METTL15: variants seen among roughly 807,000 people sequenced by gnomAD.
METTL15 encodes methyltransferase 15, mitochondrial 12S rRNA N4-cytidine, also known as 12S rRNA N(4)-cytidine methyltransferase METTL15.
A neutral mutation model predicts 38.3 loss-of-function variants in METTL15; 34 were observed. The ratio of observed to expected loss-of-function variants is 0.89; its 90% CI spans 0.68 to 1.18. The LOEUF is 1.18. Ranked by LOEUF, METTL15 falls within the 50% of genes most tolerant of loss-of-function variation. The pLI is 0.00. For missense variants in METTL15, 438 were observed against 498.4 expected, an observed-to-expected ratio of 0.88 and a Z score of 1.15; for synonymous variants, 162 against 170.9, an observed-to-expected ratio of 0.95 and a Z score of 0.41.
intron 6 of METTL15, among the ~76,000 whole-genome samples, chr11:28,316,484 T>G (rs1312013254): frequency 1.3e-5 from 2 of 152,236 alleles, no homozygotes; most frequent in African/African-American, 4.8e-5. Context: ...GGGACTTAAC[T>G]TGCCTTGTCT....
At chr11:28,315,941 C>T (rs1042230625) in intron 6 of METTL15, among the ~76,000 whole-genome samples, 3 of 152,246 alleles carry the variant, frequency 2.0e-5, no homozygotes, top group Non-Finnish European at 4.4e-5. Context: ...TGTATGGAAA[C>T]ACCTGCATGC....
chr11:28,327,982 A>C lies in METTL15; in HGVS notation c.779-2414A>C. ...GCAAAATATCAAAGATAATGCTAAG[A>C]AATTTTTAAAAAAATTATAGCAAAA... On this transcript the variant is annotated intron_variant, in intron 6 of 6. Transcript: ENST00000407364. The C allele has an allele frequency of 2.7e-6, 3 of 1,130,424 alleles. No individual in the cohort carries two copies. The South Asian group carries it at 4.9e-5, about 18-fold the overall frequency. The allele number at this position is 1,130,424 out of a possible 1,614,324, so 70.0% of individuals were successfully genotyped here.
chr11:28,280,667 C>CTTTTTTTTTT (rs61571700), intron 4 of METTL15, among the ~76,000 whole-genome samples: 1 of 135,324 alleles, frequency 7.4e-6, no homozygotes. Flanking sequence ...GTCTCTTATG[C>CTTTTTTTTTT]TTTTTTTTTT....
At chr11:28,438,049 C>A (rs1850998598) in intron 6 of METTL15, among the ~76,000 whole-genome samples, 1 of 152,030 alleles carries the variant, frequency 6.6e-6, no homozygotes, top group Non-Finnish European at 1.5e-5. Context: ...AATTAATGAA[C>A]AAAGTGGGGG....
intron 5 of METTL15, among the ~76,000 whole-genome samples, chr11:28,367,221 G>A (rs1386728275): frequency 6.8e-6 from 1 of 148,086 alleles, no homozygotes. Context: ...AAAAAGGAGA[G>A]CTAGGCAGCT....
intron 4 of METTL15, among the ~76,000 whole-genome samples, chr11:28,222,289 G>T (rs185383206): frequency 6.6e-6 from 1 of 152,156 alleles, no homozygotes; most frequent in Non-Finnish European, 1.5e-5. Flanking sequence ...CTCCCTTGCC[G>T]TTTGATCTCA....
chr11:28,325,737 G>A (rs1334930030), intron 6 of METTL15, among the ~76,000 whole-genome samples: 1 of 152,144 alleles, frequency 6.6e-6, no homozygotes, highest in Non-Finnish European at 1.5e-5. Flanking sequence ...TTTGTCAAAA[G>A]CACCACAGGT....
intron 4 of METTL15, among the ~76,000 whole-genome samples, chr11:28,282,291 C>T (rs1856085022): frequency 6.6e-6 from 1 of 152,148 alleles, no homozygotes; most frequent in South Asian, 2.1e-4. Flanking sequence ...AGGAGTTGTA[C>T]TGTCAATCAC....
chr11:28,482,240 G>A (rs1851401699), intron 6 of METTL15, among the ~76,000 whole-genome samples: 1 of 152,130 alleles, frequency 6.6e-6, no homozygotes, highest in Non-Finnish European at 1.5e-5. Flanking sequence ...TACTGGATAG[G>A]AGTTACCACT....
chr11:28,380,385 G>T (rs1850369514), intron 5 of METTL15, among the ~76,000 whole-genome samples: 1 of 151,982 alleles, frequency 6.6e-6, no homozygotes, highest in Non-Finnish European at 1.5e-5. Flanking sequence ...AGCAAAGATG[G>T]TCTCGATCTC....
At chr11:28,154,286 T>C (rs1850190502) in intron 3 of METTL15, among the ~76,000 whole-genome samples, 1 of 152,144 alleles carries the variant, frequency 6.6e-6, no homozygotes, top group Non-Finnish European at 1.5e-5. Context: ...CCCATTTTTT[T>C]TGTTTTCTCA....
At chr11:28,329,076 G>A (rs1849732558) in intron 6 of METTL15, among the ~76,000 whole-genome samples, 1 of 152,064 alleles carries the variant, frequency 6.6e-6, no homozygotes, top group South Asian at 2.1e-4. Context: ...TTTGTTCTGA[G>A]AGTTTTATAG....
chr11:28,447,661 C>T (rs531746239), intron 6 of METTL15, among the ~76,000 whole-genome samples: 2 of 152,202 alleles, frequency 1.3e-5, no homozygotes, highest in South Asian at 2.1e-4. Flanking sequence ...AGATGCAAAA[C>T]TTACCATGAA....
intron 6 of METTL15, among the ~76,000 whole-genome samples, chr11:28,437,076 G>A (rs1243397078): frequency 1.3e-5 from 2 of 152,126 alleles, no homozygotes; most frequent in Non-Finnish European, 2.9e-5. Context: ...TCAGCTTTTG[G>A]ACCCTTGGAC....
intron 6 of METTL15, among the ~76,000 whole-genome samples, chr11:28,313,290 A>G (rs1169319392): frequency 6.6e-6 from 1 of 152,084 alleles, no homozygotes; most frequent in African/African-American, 2.4e-5. Flanking sequence ...AAACAATATA[A>G]GAATTTACCT....
At chr11:28,455,164 A>G (rs756145938) in intron 6 of METTL15, among the ~76,000 whole-genome samples, 6 of 150,290 alleles carry the variant, frequency 4.0e-5, no homozygotes, top group Admixed American at 6.6e-5. Flanking sequence ...CTGGCAAGGT[A>G]ATGGACTCAA....
intron 3 of METTL15, among the ~76,000 whole-genome samples, chr11:28,114,639 T>C (rs1205342726): frequency 6.6e-6 from 1 of 152,034 alleles, no homozygotes; most frequent in Non-Finnish European, 1.5e-5. Context: ...TTAGTAGAGA[T>C]GGGGTTTCAC....
At chr11:28,527,560 G>A (rs540769774), downstream of METTL15, among the ~76,000 whole-genome samples, 9 of 152,312 alleles carry the variant, frequency 5.9e-5, no homozygotes, top group South Asian at 1.7e-3. Context: ...TACAGTGAGA[G>A]CATAGATATT....
chr11:28,326,067 A>T (rs538828525), intron 6 of METTL15, among the ~76,000 whole-genome samples: 31 of 152,220 alleles, frequency 2.0e-4, no homozygotes, highest in Admixed American at 4.6e-4. Flanking sequence ...AATCAAATGA[A>T]TTAGCCATAT....
Sources: allele counts gnomAD v4.1 joint callset (sites outside exome capture counted in the v4.1 genomes callset), GRCh38; gene constraint gnomAD v4.1.1; transcripts MANE v1.5; gene names NCBI Gene and HGNC (gene_info 2026-07-23, HGNC 2026-07-21).